The following SMC3 variants were observed in gnomAD, a reference collection of about 807,000 sequenced individuals.
SMC3 encodes structural maintenance of chromosomes protein 3.
Under a neutral mutation model 171.8 loss-of-function variants are expected in SMC3, and 20 were observed. That is an observed-to-expected ratio of 0.12 (90% CI 0.08 to 0.17). The LOEUF (loss-of-function observed/expected upper bound fraction) is 0.17. SMC3 is among the 10% of genes least tolerant of loss of function. The pLI, the probability that SMC3 is intolerant of heterozygous loss-of-function variation, is 1.00. For missense variants in SMC3, 543 were observed against 1,420.4 expected (o/e 0.38, Z 9.93); for synonymous variants, 464 against 451.1 (o/e 1.03, Z -0.36).
At chr10:110,589,429 A>G (rs1407065304) in intron 13 of SMC3, among the ~76,000 whole-genome samples, 176 bp from the exon 14 acceptor site, 2 of 152,108 alleles carry the variant, frequency 1.3e-5, no homozygotes, top group African/African-American at 4.8e-5. Context: ...GACACCACAC[A>G]CCACAGTTAA....
chr10:110,602,291 A>G, intron 25 of SMC3, 113 bp downstream of exon 25: 4 of 1,045,592 alleles, frequency 3.8e-6, no homozygotes, highest in South Asian at 2.7e-5. Flanking sequence ...AATCTAATAC[A>G]TGTGAACAAA....
chr10:110,568,186 G>T (rs1185319559), intron 1 of SMC3: 1 of 419,254 alleles, frequency 2.4e-6, no homozygotes, highest in African/African-American at 2.1e-5. Flanking sequence ...CCGCGGGCGG[G>T]AAGGGCTGTG....
chr10:110,582,461 TTAC>T (rs763034337), intron 9 of SMC3, 98 bp from the exon 10 acceptor site: 4 of 824,664 alleles, frequency 4.9e-6, no homozygotes, highest in Non-Finnish European at 3.9e-6. Context: ...ATTTGAGCAG[TTAC>T]TTTTGGTTTA....
Position 110,569,104 on chromosome 10 carries a change from A to G in SMC3, c.91+91A>G, listed in dbSNP as rs544720004. On this transcript the variant is annotated intron_variant, in intron 2 of 28. Transcript: ENST00000361804. ...TCTATATTGGCTTAAGGAGACAGGA[A>G]TTGTCTTTGAATATTAAGTTATATT... 1.8e-4 allele frequency: 147 copies of G among 839,580 alleles called. 1 individual carries two copies. The South Asian group carries it at 2.0e-3, about 11-fold the overall frequency. 52.0% of individuals were successfully genotyped at this position (839,580 alleles called of 1,614,324 possible).
chr10:110,601,961 T>C lies in SMC3; in HGVS notation c.2893-5T>C. On this transcript the variant is annotated splice_region_variant and splice_polypyrimidine_tract_variant and intron_variant, in intron 24 of 28. Transcript: ENST00000361804. ...TTTATATGAATACATATTTTCTCTT[T>C]ATAGTTGTTTCGAAAACTTGAGCAG... 6.2e-7 allele frequency: 1 copy of C among 1,612,208 alleles called. No individual in the cohort carries two copies. The highest frequency in any genetic ancestry group is 8.5e-7 in the Non-Finnish European group (1 of 1,178,998).
chr10:110,600,998 T>G, intron 22 of SMC3, 24 bp from the exon 23 acceptor site: 1 of 1,553,670 alleles, frequency 6.4e-7, no homozygotes, highest in African/African-American at 1.4e-5. Context: ...TTGAAACTAA[T>G]GGAATTTGTA....
chr10:110,577,942 A>T, intron 6 of SMC3, 28 bp downstream of exon 6: 1 of 1,462,258 alleles, frequency 6.8e-7, no homozygotes, highest in Non-Finnish European at 9.6e-7. Context: ...TTTTAAAAAA[A>T]CTGAATATGT....
rs766533413 is a variant in SMC3, at chr10:110,590,941, G to A, written c.1671-50G>A. On this transcript the variant is annotated intron_variant, in intron 16 of 28. Transcript: ENST00000361804. ...AGGATTGATAAGTTTGGGCAACATA[G>A]GGAGACCCTGAGTACCAATAAAGAT... 1.9e-6 allele frequency: 3 copies of A among 1,576,082 alleles called. No homozygotes were observed. In the Admixed American group the frequency reaches 5.0e-5, roughly 26 times the overall value.
chr10:110,583,284 CAG>C (rs1290234882), intron 10 of SMC3, 98 bp from the exon 11 acceptor site: 3 of 936,118 alleles, frequency 3.2e-6, no homozygotes, highest in Non-Finnish European at 5.1e-6. Context: ...ATTGAAAGGA[CAG>C]AGTATTACTA....
intron 6 of SMC3, 38 bp downstream of exon 6, chr10:110,577,952 T>C (rs779863749): frequency 9.5e-6 from 13 of 1,374,680 alleles, no homozygotes. Flanking sequence ...ACTGAATATG[T>C]ACTTAAATAG....
Position 110,605,765 on chromosome 10 carries a change from T to G in SMC3, c.*1463T>G, listed in dbSNP as rs1250883412. Among the ~76,000 whole-genome samples, 1 of 152,208 alleles carries G rather than the reference T, an allele frequency of 6.6e-6. No homozygotes were observed. Among genetic ancestry groups the G allele is most frequent in the Admixed American group, 6.5e-5 (1 of 15,284 alleles). On this transcript the variant is annotated 3_prime_UTR_variant, in exon 29 of 29. Transcript: ENST00000361804. ...CTTTCTAATATTTCTACCATTTTTC[T>G]TACACATTTACCCAAGAATTTTTCT...
intron 4 of SMC3, among the ~76,000 whole-genome samples, chr10:110,576,141 C>A (rs143360083): frequency 6.6e-6 from 1 of 152,244 alleles, no homozygotes; most frequent in East Asian, 1.9e-4. Context: ...AATGATCTAA[C>A]ACAAAAGTCT....
chr10:110,582,428 C>A lies in SMC3; in HGVS notation c.724-134C>A. 1.4e-5 allele frequency: 10 copies of A among 716,910 alleles called. No individual in the cohort carries two copies. The South Asian group carries it at 1.9e-4, about 13-fold the overall frequency. 44.4% of individuals were successfully genotyped at this position (716,910 alleles called of 1,614,324 possible). A position where few individuals can be genotyped will look rare whatever the true frequency, so the allele number is the denominator to read the frequency against. ...GTGCTTCAGTTTTCTAGTTTAAAAT[C>A]ATTTTTAAAATTTTTGTAGAAAATT... On this transcript the variant is annotated intron_variant, in intron 9 of 28. Coordinates refer to ENST00000361804, the MANE Select transcript of SMC3 (RefSeq NM_005445.4).
intron 2 of SMC3, among the ~76,000 whole-genome samples, chr10:110,573,023 A>G (rs191372433): frequency 2.3e-4 from 35 of 152,244 alleles, no homozygotes; most frequent in African/African-American, 5.5e-4. Flanking sequence ...CATGACATGA[A>G]TGATCTTTTT....
At chr10:110,578,575 T>C (rs1038661387) in intron 6 of SMC3, 53 bp from the exon 7 acceptor site, 2 of 1,354,046 alleles carry the variant, frequency 1.5e-6, no homozygotes, top group African/African-American at 2.9e-5. Flanking sequence ...ACTCATTGCT[T>C]AATGGTGCTT....
chr10:110,577,406 T>G lies in SMC3; in HGVS notation c.199-15T>G, dbSNP rs778746741. On this transcript the variant is annotated splice_polypyrimidine_tract_variant and intron_variant, in intron 4 of 28. Transcript: ENST00000361804. ...ACAACTTAAATGGCAAATTTCTCAC[T>G]TCTTTCATTTTTAGGAAGGTACTGG... 6.3e-7 allele frequency: 1 copy of G among 1,599,688 alleles called. No individual in the cohort carries two copies.
intron 19 of SMC3, among the ~76,000 whole-genome samples, chr10:110,597,455 A>T (rs1401843226): frequency 6.6e-6 from 1 of 152,202 alleles, no homozygotes; most frequent in African/African-American, 2.4e-5. Context: ...TCAAGAATAG[A>T]TATAAAGTTA....
intron 2 of SMC3, among the ~76,000 whole-genome samples, chr10:110,573,151 T>A (rs1383138134): frequency 6.6e-6 from 1 of 152,196 alleles, no homozygotes; most frequent in Admixed American, 6.5e-5. Context: ...AAAATTTCAC[T>A]AAACACACTT....
At chr10:110,580,593 A>G (rs1159642247) in intron 7 of SMC3, among the ~76,000 whole-genome samples, 1 of 152,236 alleles carries the variant, frequency 6.6e-6, no homozygotes, top group African/African-American at 2.4e-5. Flanking sequence ...GGCATGTCCC[A>G]AATTCAAAAG....
Sources: gnomAD v4.1 joint callset for allele counts (sites outside exome capture counted in the v4.1 genomes callset) on GRCh38, gnomAD v4.1.1 for gene constraint, MANE v1.5 for transcripts, NCBI Gene and HGNC (gene_info 2026-07-23, HGNC 2026-07-21) for gene names.